Variants in SLC9A6 observed in about 807,000 individuals in gnomAD.
SLC9A6 encodes sodium/hydrogen exchanger 6.
A neutral mutation model predicts 45.3 loss-of-function variants in SLC9A6; 6 were observed. The observed-to-expected ratio is 0.13, with a 90% confidence interval of 0.07 to 0.26. The LOEUF (loss-of-function observed/expected upper bound fraction) is 0.26, where lower values mean the gene tolerates loss of function less well. Among genes scored for constraint, SLC9A6 ranks in the 10% least tolerant of loss-of-function variants. The probability of loss-of-function intolerance (pLI) is 1.00; values close to 1 mark genes in which losing one functional copy is unlikely to be tolerated. For missense variants in SLC9A6, 278 were observed against 503.7 expected (o/e 0.55, Z 4.29); for synonymous variants, 191 against 187.7 (o/e 1.02, Z -0.14).
exon 1 of SLC9A6, chrX:135,974,739 C>T (rs143837520): frequency 0.019 from 6,533 of 338,697 alleles, 52 homozygotes; most frequent in Non-Finnish European, 0.026. Context: ...GATCTGGAAC[C>T]CCAAATACTT....
chrX:136,006,460 T>G (rs1556617983), intron 7 of SLC9A6, among the ~76,000 whole-genome samples: 1 of 82,108 alleles, frequency 1.2e-5, no homozygotes, highest in Non-Finnish European at 2.2e-5. Context: ...CCTGAAGCAC[T>G]GTTTTTTTTT....
chrX:136,026,489 T>G (rs1178067068), intron 13 of SLC9A6, among the ~76,000 whole-genome samples: 2 of 111,908 alleles, frequency 1.8e-5, no homozygotes, highest in Non-Finnish European at 3.8e-5. Flanking sequence ...CAATAAACAT[T>G]TACTGAACAC....
At chrX:136,004,080 C>CT (rs782804669) in intron 7 of SLC9A6, among the ~76,000 whole-genome samples, 1,659 of 66,232 alleles carry the variant, frequency 0.025, 164 homozygotes, top group Non-Finnish European at 0.036. Flanking sequence ...CCTCCCTAAT[C>CT]TTTTTTTTTT....
chrX:136,007,225 C>T (rs1218358277), intron 7 of SLC9A6, among the ~76,000 whole-genome samples: 1 of 110,028 alleles, frequency 9.1e-6, no homozygotes, highest in Admixed American at 9.8e-5. Context: ...AATTTGCCAC[C>T]CCCTCACCAC....
At chrX:136,038,118 A>G (rs782667401) in intron 16 of SLC9A6, among the ~76,000 whole-genome samples, 76 of 111,654 alleles carry the variant, frequency 6.8e-4, no homozygotes, top group Non-Finnish European at 1.2e-3. Context: ...TCCTGACCTC[A>G]GAGGGAAATT....
intron 2 of SLC9A6, among the ~76,000 whole-genome samples, chrX:135,987,155 T>C (rs2089352396): frequency 8.9e-6 from 1 of 112,174 alleles, no homozygotes; most frequent in Admixed American, 9.5e-5. Flanking sequence ...GTGTAAAATA[T>C]CTCTGCTCAC....
At chrX:135,975,248 C>T (rs1177697216) in intron 1 of SLC9A6, 1 of 112,640 alleles carries the variant, frequency 8.9e-6, no homozygotes, top group Non-Finnish European at 1.9e-5. Flanking sequence ...CCAGTTCCTC[C>T]AGTGACCCCT....
In SLC9A6 at chrX:135,995,888, C is replaced by T. The variant is rs1316391371; in HGVS notation, c.369+903C>T. 3.6e-5 allele frequency among the ~76,000 whole-genome samples: 4 copies of T among 110,347 alleles called. No individual in the cohort carries two copies. The East Asian group carries it at 1.1e-3, about 31-fold the overall frequency. On this transcript the variant is annotated intron_variant, in intron 3 of 17. Transcript: ENST00000630721. ...TCCCAGAAATCCCTGGAGCTGCTTT[C>T]TCCTGTCTCCCTCATAGGTTTATCA...
At chrX:136,005,898 A>G (rs2089649668) in intron 7 of SLC9A6, among the ~76,000 whole-genome samples, 1 of 111,639 alleles carries the variant, frequency 9.0e-6, no homozygotes, top group African/African-American at 3.3e-5. Context: ...TTACAACCTC[A>G]GTGGGATTCT....
chrX:136,005,406 CG>C (rs1450719973), intron 7 of SLC9A6, among the ~76,000 whole-genome samples: 3 of 112,662 alleles, frequency 2.7e-5, no homozygotes, highest in African/African-American at 9.7e-5. Context: ...GCCGGCTGGG[CG>C]CAGTGGCTCA....
chrX:136,002,295 C>T, intron 7 of SLC9A6, 82 bp downstream of exon 7: 1 of 667,114 alleles, frequency 1.5e-6, no homozygotes, highest in Non-Finnish European at 2.5e-6. Context: ...GAATAAAGTA[C>T]ATTATGAATG....
Position 136,030,172 on chromosome X carries a change from C to T in SLC9A6, c.1581+10C>T, listed in dbSNP as rs1034902692. The T allele has an allele frequency of 1.7e-6, 2 of 1,202,788 alleles. No homozygotes were observed. Among genetic ancestry groups the T allele is most frequent in the South Asian group, 1.8e-5 (1 of 56,640 alleles). On this transcript the variant is annotated intron_variant, in intron 15 of 17. Coordinates refer to ENST00000630721, the MANE Select transcript of SLC9A6 (RefSeq NM_001379110.1). ...AGACCAAGAACACTTGGTAAATATGCGTTTTTGTTGTTCCTGGCATTTCTG... is the reference window on the plus strand; with the variant it reads ...AGACCAAGAACACTTGGTAAATATGTGTTTTTGTTGTTCCTGGCATTTCTG...
chrX:136,017,847 C>T lies in SLC9A6; in HGVS notation c.1194+1089C>T, dbSNP rs141860314. ...CTGGCTCCAGGATCTCTTAAGAGGT[C>T]GCAGTTGTGCTCTTGGCTGGGACTG... On this transcript the variant is annotated intron_variant, in intron 11 of 17. Transcript: ENST00000630721. Among the ~76,000 whole-genome samples the T allele has an allele frequency of 8.5e-3, 950 of 111,673 alleles. 9 individuals carry two copies. The highest frequency in any genetic ancestry group is 0.03 in the African/African-American group (916 of 30,735).
intron 3 of SLC9A6, among the ~76,000 whole-genome samples, chrX:135,997,013 G>C (rs898915421): frequency 9.0e-6 from 1 of 110,866 alleles, no homozygotes; most frequent in Non-Finnish European, 1.9e-5. Context: ...TGATCCGCCC[G>C]CCTTGGCCTC....
At chrX:136,033,638 A>G in intron 16 of SLC9A6, 145 bp downstream of exon 16, 1 of 332,001 alleles carries the variant, frequency 3.0e-6, no homozygotes, top group Non-Finnish European at 5.5e-6. Context: ...AGTGCTGTGG[A>G]AAAGGAAACC....
chrX:136,003,057 T>G (rs2089606240), intron 7 of SLC9A6, among the ~76,000 whole-genome samples: 1 of 108,275 alleles, frequency 9.2e-6, no homozygotes, highest in Admixed American at 9.8e-5. Flanking sequence ...GGCACGGTCT[T>G]GGCTCACTGC....
In SLC9A6 at chrX:135,974,665, A is replaced by G. The variant is rs1556613127; in HGVS notation, c.-175A>G. The stretch of plus-strand genomic sequence containing the variant: ...TTTCCTGTGCTTCAGCTCCCTGGAA[A>G]CTGGCACTGCAGAAGGAGGCAAGGG... On this transcript the variant is annotated 5_prime_UTR_variant, in exon 1 of 17. Coordinates refer to the SLC9A6 transcript ENST00000636092. 3 of 341,557 alleles carry G rather than the reference A, an allele frequency of 8.8e-6. No homozygotes were observed. In the East Asian group the frequency reaches 2.9e-4, roughly 33 times the overall value. 28.1% of individuals were successfully genotyped at this position (341,557 alleles called of 1,213,427 possible). A position where few individuals can be genotyped will look rare whatever the true frequency, so the allele number is the denominator to read the frequency against.
At chrX:136,038,684 G>A (rs2071452821) in intron 16 of SLC9A6, among the ~76,000 whole-genome samples, 1 of 109,856 alleles carries the variant, frequency 9.1e-6, no homozygotes, top group Admixed American at 9.7e-5. Context: ...CTTTCTGTAG[G>A]AGAAAGTTTT....
Position 136,007,716 on chromosome X carries a change from T to C in SLC9A6, c.744-2726T>C, listed in dbSNP as rs1334701956. On this transcript the variant is annotated intron_variant, in intron 7 of 17. Transcript: ENST00000630721. Reference sequence around the variant, plus strand: ...TTTCTGTAGCTTTTTTACTTGGATATTATACTATATTAATACCTCTATTAT... The same window carrying C: ...TTTCTGTAGCTTTTTTACTTGGATACTATACTATATTAATACCTCTATTAT... Among the ~76,000 whole-genome samples, 6 of 111,700 alleles carry C rather than the reference T, an allele frequency of 5.4e-5. No individual in the cohort carries two copies. In the East Asian group the frequency reaches 1.7e-3, roughly 31 times the overall value.
Sources: gnomAD v4.1 joint callset for allele counts (sites outside exome capture counted in the v4.1 genomes callset) on GRCh38, gnomAD v4.1.1 for gene constraint, MANE v1.5 for transcripts, NCBI Gene and HGNC (gene_info 2026-07-23, HGNC 2026-07-21) for gene names.